The following POLR2B variants were observed in gnomAD, a reference collection of about 807,000 sequenced individuals.
POLR2B encodes the protein RNA polymerase II subunit B.
A neutral mutation model predicts 144.6 loss-of-function variants in POLR2B; 57 were observed. The observed-to-expected ratio is 0.39, with a 90% CI of 0.32 to 0.49. The LOEUF is 0.49. Among genes scored for constraint, POLR2B ranks in the 20% least tolerant of loss-of-function variants. The probability of loss-of-function intolerance (pLI) is 0.83; values close to 1 mark genes in which losing one functional copy is unlikely to be tolerated. For synonymous variants in POLR2B, 442 were observed against 469.8 expected, an observed-to-expected ratio of 0.94 and a Z score of 0.77; for missense variants, 595 against 1,467.4, an observed-to-expected ratio of 0.41 and a Z score of 9.71.
Position 57,023,350 on chromosome 4 carries a change from G to A in POLR2B, c.2536G>A (p.Asp846Asn), listed in dbSNP as rs376895637. Reference protein sequence around the residue: ...TCQGMRHAIYDKLDDDGLIAP... With the variant: ...TCQGMRHAIYNKLDDDGLIAP... ...CACAGGCATGAGGCATGCCATTTAC[G>A]ACAAGCTGGATGATGATGGTTTGAT... Residue 846 changes from aspartate to asparagine, a missense_variant, in exon 19 of 25, where the codon GAC (aspartate) becomes AAC (asparagine). By Grantham distance (23) the Asp-to-Asn change is conservative. Around this residue, in one of 9 missense-constraint regions of POLR2B, gnomAD observed 75 missense variants for 100.0 expected, o/e 0.75. Transcript: ENST00000314595. The surrounding 1 kb of genome is among the most constrained non-coding windows in gnomAD (Gnocchi z 4.3). 5 of 1,613,760 alleles carry A rather than the reference G, an allele frequency of 3.1e-6. No homozygotes were observed. Among genetic ancestry groups the A allele is most frequent in the Non-Finnish European group, 4.2e-6 (5 of 1,179,870 alleles).
chr4:56,980,417 A>G (rs1242675005), intron 1 of POLR2B, among the ~76,000 whole-genome samples: 2 of 152,198 alleles, frequency 1.3e-5, no homozygotes, highest in Non-Finnish European at 1.5e-5. Context: ...CAAGCCAGAA[A>G]ATTTAAAAAT....
At chr4:56,987,637 T>G (rs1416975896) in intron 2 of POLR2B, among the ~76,000 whole-genome samples, 1 of 152,212 alleles carries the variant, frequency 6.6e-6, no homozygotes, top group Non-Finnish European at 1.5e-5. Flanking sequence ...TCCCAGCACT[T>G]TGGGATGCTG....
Position 57,002,271 on chromosome 4 carries a change from C to T in POLR2B, c.900+2490C>T, listed in dbSNP as rs80247692. ...CTTAAACTCCTGAGCTCAAGTGGTT[C>T]ACCATCCTCGGGCTCCTGAAGTGCT... On this transcript the variant is annotated intron_variant, in intron 7 of 24. Coordinates refer to ENST00000314595, the MANE Select transcript of POLR2B (RefSeq NM_000938.3). 6.6e-3 allele frequency among the ~76,000 whole-genome samples: 1,012 copies of T among 152,252 alleles called. 15 individuals carry two copies. The highest frequency in any genetic ancestry group is 0.023 in the African/African-American group (976 of 41,544).
At chr4:56,983,225 T>G (rs1003835615) in intron 1 of POLR2B, among the ~76,000 whole-genome samples, 1 of 152,208 alleles carries the variant, frequency 6.6e-6, no homozygotes, top group Non-Finnish European at 1.5e-5. Flanking sequence ...CTATCATTCT[T>G]TGAATATGCC....
At chr4:57,010,156 T>C in intron 10 of POLR2B, 1 of 522,836 alleles carries the variant, frequency 1.9e-6, no homozygotes, top group East Asian at 3.1e-5. Context: ...AGAATGTTTA[T>C]GTGGTATGTT....
At chr4:56,997,075 A>G (rs1337042020) in intron 6 of POLR2B, among the ~76,000 whole-genome samples, 1 of 152,178 alleles carries the variant, frequency 6.6e-6, no homozygotes, top group Non-Finnish European at 1.5e-5. Context: ...CGTGGGTGAC[A>G]GAGCCAGAGC....
At chr4:57,020,411 GAT>G (rs772559356) in intron 16 of POLR2B, among the ~76,000 whole-genome samples, 22 of 152,166 alleles carry the variant, frequency 1.4e-4, no homozygotes, top group Non-Finnish European at 2.4e-4. Flanking sequence ...TGGTGGGAAA[GAT>G]ATGATATTTT....
chr4:57,030,969 C>T lies in POLR2B; in HGVS notation c.3506C>T (p.Pro1169Leu), dbSNP rs370454929. The T allele has an allele frequency of 1.1e-5, 17 of 1,588,400 alleles. No individual in the cohort carries two copies. Among genetic ancestry groups the T allele is most frequent in the South Asian group, 1.1e-5 (1 of 90,524 alleles). ...FQELMSMSIAPRMMSV is the reference protein window; with the variant it reads ...FQELMSMSIALRMMSV ...GAACTTATGTCTATGAGTATTGCAC[C>T]GCGAATGATGAGTGTTTAGCTATTT... The change falls in exon 25 of 25, where the codon CCG becomes CTG. Residue 1169 changes from proline to leucine, a missense_variant. Transcript: ENST00000314595.
intron 11 of POLR2B, 50 bp downstream of exon 11, chr4:57,010,554 G>A: frequency 1.3e-6 from 2 of 1,551,582 alleles, no homozygotes; most frequent in South Asian, 2.4e-5. Flanking sequence ...GGGTAATTAT[G>A]TAGGGCATAA....
Position 57,005,588 on chromosome 4 carries a change from T to C in POLR2B, c.1098-12T>C, listed in dbSNP as rs775481563. 29 of 1,562,696 alleles carry C rather than the reference T, an allele frequency of 1.9e-5. No homozygotes were observed. Among genetic ancestry groups the C allele is most frequent in the Non-Finnish European group, 2.4e-5 (28 of 1,163,230 alleles). On this transcript the variant is annotated splice_polypyrimidine_tract_variant and intron_variant, in intron 8 of 24. Coordinates refer to ENST00000314595, the MANE Select transcript of POLR2B (RefSeq NM_000938.3). ...TTTCCCTCTTTCTTTCTTTCTTTTTTTTTTTTTAAAGATACATGGTTCATA... is the reference window on the plus strand; with the variant it reads ...TTTCCCTCTTTCTTTCTTTCTTTTTCTTTTTTTAAAGATACATGGTTCATA...
rs1345549145 is a variant in POLR2B, at chr4:56,995,292, T to C, written c.618T>C (p.Tyr206=). The part of the protein sequence containing the change: ...AQEKMATNTV[Y]VFAKKDSKYA... ...AGAAAATGGCAACAAACACAGTTTATGTGTTTGCCAAAAAGGATTCTAAAT... is the reference window on the plus strand; with the variant it reads ...AGAAAATGGCAACAAACACAGTTTACGTGTTTGCCAAAAAGGATTCTAAAT... The change falls in exon 6 of 25, where the codon TAT becomes TAC. Residue 206 remains tyrosine (Y), a synonymous_variant. Transcript: ENST00000314595. 1 of 1,613,592 alleles carries C rather than the reference T, an allele frequency of 6.2e-7. No individual in the cohort carries two copies. Among genetic ancestry groups the C allele is most frequent in the Admixed American group, 1.7e-5 (1 of 60,000 alleles).
intron 23 of POLR2B, among the ~76,000 whole-genome samples, chr4:57,029,557 A>G (rs1021766308): frequency 2.6e-5 from 4 of 152,050 alleles, no homozygotes; most frequent in African/African-American, 7.2e-5. Flanking sequence ...ATCACCATCT[A>G]TTTGCCTGGC....
chr4:56,990,598 C>G, intron 2 of POLR2B, 150 bp from the exon 3 acceptor site: 2 of 622,738 alleles, frequency 3.2e-6, no homozygotes, highest in Non-Finnish European at 5.5e-6. Context: ...TTTAAGATAC[C>G]TCATAGTGTC....
At chr4:57,014,762 C>G (rs1296659730) in intron 13 of POLR2B, among the ~76,000 whole-genome samples, 1 of 150,900 alleles carries the variant, frequency 6.6e-6, no homozygotes, top group East Asian at 2.0e-4. Flanking sequence ...CCTCGGCCTC[C>G]CAGAGTGCGG....
At chr4:57,021,511 CAG>C (rs1382390989) in intron 17 of POLR2B, among the ~76,000 whole-genome samples, 3 of 103,730 alleles carry the variant, frequency 2.9e-5, no homozygotes, top group African/African-American at 1.1e-4. Context: ...TTTTTTGAGA[CAG>C]AGTCTTTCTG....
At chr4:56,992,196 C>T (rs1318130517) in intron 3 of POLR2B, among the ~76,000 whole-genome samples, 1 of 151,990 alleles carries the variant, frequency 6.6e-6, no homozygotes, top group Non-Finnish European at 1.5e-5. Context: ...GGTGCGATGG[C>T]TCATGCCTAT....
At chr4:57,004,757 T>TC (rs1259305369) in intron 7 of POLR2B, among the ~76,000 whole-genome samples, 19 of 152,342 alleles carry the variant, frequency 1.2e-4, no homozygotes, top group Admixed American at 1.2e-3. Context: ...CCATCTTGGC[T>TC]CACTGCATCC....
intron 2 of POLR2B, among the ~76,000 whole-genome samples, chr4:56,990,423 A>G (rs1722478483): frequency 6.6e-6 from 1 of 152,090 alleles, no homozygotes; most frequent in Non-Finnish European, 1.5e-5. Flanking sequence ...ATGAGGTCTC[A>G]TTGCGTTGCC....
rs143818939 is a variant in POLR2B, at chr4:56,982,837, T to C, written c.20-3517T>C. Among the ~76,000 whole-genome samples the C allele has an allele frequency of 5.5e-4, 83 of 152,214 alleles. 1 individual carries two copies. In the South Asian group the frequency reaches 0.014, roughly 26 times the overall value. On this transcript the variant is annotated intron_variant, in intron 1 of 24. Coordinates refer to ENST00000314595, the MANE Select transcript of POLR2B (RefSeq NM_000938.3). ...GGGAGGTCCTGAAACCAGTCTCCAA[T>C]GGACACTGAGGTACAACTGTTGTAC...
Sources: allele counts gnomAD v4.1 joint callset (sites outside exome capture counted in the v4.1 genomes callset), GRCh38; gene constraint gnomAD v4.1.1; regional missense constraint gnomAD v4.1.1; non-coding constraint Gnocchi (gnomAD v3.1); transcripts MANE v1.5; gene names NCBI Gene and HGNC (gene_info 2026-07-23, HGNC 2026-07-21).